Variants in SMCHD1 observed in about 807,000 individuals in gnomAD.
SMCHD1 encodes structural maintenance of chromosomes flexible hinge domain-containing protein 1.
A neutral mutation model predicts 254.7 loss-of-function variants in SMCHD1; 78 were observed. The ratio of observed to expected loss-of-function variants is 0.31; its 90% CI spans 0.26 to 0.37. The LOEUF (loss-of-function observed/expected upper bound fraction) is 0.37, where lower values mean the gene tolerates loss of function less well. Ranked by LOEUF, SMCHD1 falls within the 10% of genes least tolerant of loss-of-function variation. The probability of loss-of-function intolerance (pLI) is 1.00; values close to 1 mark genes in which losing one functional copy is unlikely to be tolerated. For missense variants in SMCHD1, 1,840 were observed against 2,408.1 expected (o/e 0.76, Z 4.94); for synonymous variants, 766 against 794.9 (o/e 0.96, Z 0.61).
chr18:2,657,053 A>G (rs1352610392), intron 1 of SMCHD1, among the ~76,000 whole-genome samples: 1 of 152,206 alleles, frequency 6.6e-6, no homozygotes, highest in Non-Finnish European at 1.5e-5. Flanking sequence ...AGCTTTGAAG[A>G]AGGAATATTG....
At chr18:2,758,830 T>G (rs1181828057) in intron 34 of SMCHD1, among the ~76,000 whole-genome samples, 4 of 152,200 alleles carry the variant, frequency 2.6e-5, no homozygotes, top group Admixed American at 2.0e-4. Flanking sequence ...CCAGCAGTTT[T>G]ACTGTGATAT....
intron 17 of SMCHD1, among the ~76,000 whole-genome samples, chr18:2,714,957 G>A (rs1476721514): frequency 1.3e-5 from 2 of 152,202 alleles, no homozygotes; most frequent in Admixed American, 6.5e-5. Context: ...GGTACCTGCT[G>A]TGAAATCTGC....
At chr18:2,769,059 C>T (rs1023868738) in intron 37 of SMCHD1, among the ~76,000 whole-genome samples, 1 of 152,066 alleles carries the variant, frequency 6.6e-6, no homozygotes, top group Non-Finnish European at 1.5e-5. Context: ...CAGCTACTAT[C>T]GTTTCCCTTA....
rs188726713 is a variant in SMCHD1, at chr18:2,744,631, C to T, written c.3801+703C>T. ...GCAGTTTTGAAGAATCATCTTGTCA[C>T]GGAAAGGACATGCAATAGATGAAGC... On this transcript the variant is annotated intron_variant, in intron 29 of 47. Coordinates refer to ENST00000320876, the MANE Select transcript of SMCHD1 (RefSeq NM_015295.3). Among the ~76,000 whole-genome samples, 635 of 152,048 alleles carry T rather than the reference C, an allele frequency of 4.2e-3. 2 individuals carry two copies. Among genetic ancestry groups the T allele is most frequent in the Non-Finnish European group, 5.0e-3 (337 of 67,974 alleles).
chr18:2,785,647 CAAAAAA>C (rs1555656125), intron 45 of SMCHD1, among the ~76,000 whole-genome samples: 5 of 12,670 alleles, frequency 3.9e-4, no homozygotes, highest in Admixed American at 1.0e-3. Flanking sequence ...GACTCTGTCT[CAAAAAA>C]AAAAAAAAAA....
intron 26 of SMCHD1, among the ~76,000 whole-genome samples, chr18:2,739,068 G>A (rs1484785043): frequency 3.9e-5 from 6 of 152,102 alleles, no homozygotes; most frequent in African/African-American, 1.4e-4. Flanking sequence ...CCAACACTTA[G>A]GATAGTTCTG....
At chr18:2,666,731 G>C (rs776871712) in intron 2 of SMCHD1, 139 bp from the exon 3 acceptor site, 3 of 603,176 alleles carry the variant, frequency 5.0e-6, no homozygotes, top group African/African-American at 3.7e-5. Flanking sequence ...ACATGACTTT[G>C]CTTACAGGTA....
chr18:2,777,016 C>T (rs1164629768), intron 42 of SMCHD1, among the ~76,000 whole-genome samples: 2 of 152,022 alleles, frequency 1.3e-5, no homozygotes, highest in African/African-American at 4.8e-5. Flanking sequence ...TGATCCTCCT[C>T]CCTCAACCTC....
At chr18:2,764,715 A>C (rs2075839275) in intron 37 of SMCHD1, among the ~76,000 whole-genome samples, 1 of 152,190 alleles carries the variant, frequency 6.6e-6, no homozygotes, top group Non-Finnish European at 1.5e-5. Context: ...GGATGATTCA[A>C]AGTATATGGA....
At position 2,752,553 on chromosome 18, in the gene SMCHD1, G is replaced by A; in HGVS notation, c.4346+1G>A. 1 of 1,546,604 alleles carries A rather than the reference G, an allele frequency of 6.5e-7. No individual in the cohort carries two copies. The highest frequency in any genetic ancestry group is 8.9e-7 in the Non-Finnish European group (1 of 1,120,094). ...AAGAAGATGGCTGCTTCTATTTCAG[G>A]TATTTCTCAAAACATTTCATATTTT... On this transcript the variant is annotated splice_donor_variant, in intron 34 of 47. Coordinates refer to ENST00000320876, the MANE Select transcript of SMCHD1 (RefSeq NM_015295.3). LOFTEE classifies it high-confidence loss of function.
At chr18:2,728,235 C>T in intron 22 of SMCHD1, 1 of 448,362 alleles carries the variant, frequency 2.2e-6, no homozygotes, top group Non-Finnish European at 3.9e-6. Flanking sequence ...AAAACTTAGC[C>T]TAGACACCAA....
At chr18:2,732,539 TTA>T (rs752347310) in intron 25 of SMCHD1, 47 bp downstream of exon 25, 37 of 1,303,756 alleles carry the variant, frequency 2.8e-5, no homozygotes, top group Non-Finnish European at 3.7e-5. Context: ...TTTTTAAATT[TTA>T]TGTTTGTAAG....
At chr18:2,754,308 G>C (rs577227832) in intron 34 of SMCHD1, among the ~76,000 whole-genome samples, 1 of 152,280 alleles carries the variant, frequency 6.6e-6, no homozygotes, top group South Asian at 2.1e-4. Flanking sequence ...GATTCACCAG[G>C]AGGACTCACA....
At chr18:2,677,889 G>C (rs1354951072) in intron 5 of SMCHD1, among the ~76,000 whole-genome samples, 1 of 152,062 alleles carries the variant, frequency 6.6e-6, no homozygotes, top group East Asian at 1.9e-4. Flanking sequence ...AAAGTGCTGG[G>C]ATTACAGAAG....
intron 34 of SMCHD1, among the ~76,000 whole-genome samples, chr18:2,758,569 T>C (rs562429260): frequency 6.6e-6 from 1 of 152,328 alleles, no homozygotes; most frequent in African/African-American, 2.4e-5. Context: ...TTGTTTTCCA[T>C]CTTAGGAAGT....
At chr18:2,668,068 C>T (rs1235436844) in intron 3 of SMCHD1, among the ~76,000 whole-genome samples, 2 of 151,904 alleles carry the variant, frequency 1.3e-5, no homozygotes, top group African/African-American at 4.8e-5. Context: ...TTAGTAGAGA[C>T]GGAGTTTCAC....
intron 17 of SMCHD1, among the ~76,000 whole-genome samples, chr18:2,716,085 G>A (rs1226709973): frequency 6.6e-6 from 1 of 152,086 alleles, no homozygotes; most frequent in Non-Finnish European, 1.5e-5. Context: ...TTGATGATGT[G>A]TCTATGATGT....
chr18:2,778,302 G>A (rs1229247500), intron 44 of SMCHD1, 63 bp downstream of exon 44: 1 of 1,162,708 alleles, frequency 8.6e-7, no homozygotes, highest in African/African-American at 1.5e-5. Context: ...ATGTCCATTT[G>A]ATGATACATA....
At position 2,726,466 on chromosome 18, in the gene SMCHD1, G is replaced by A; in HGVS notation, c.2715G>A (p.Lys905=). The change falls in exon 22 of 48, where the codon AAG becomes AAA. Residue 905 remains lysine, a synonymous_variant. Transcript: ENST00000320876. Reference sequence around the variant, plus strand: ...TTTTCCAACAGAATTATAATCTGAAGGTTACTCTGCCTGGCTTAAAAGAAG... The same window carrying A: ...TTTTCCAACAGAATTATAATCTGAAAGTTACTCTGCCTGGCTTAAAAGAAG... The part of the protein sequence containing the change: ...NSCQGKNYNL[K]VTLPGLKEDS... 1 of 1,507,828 alleles carries A rather than the reference G, an allele frequency of 6.6e-7. No homozygotes were observed. Among genetic ancestry groups the A allele is most frequent in the Non-Finnish European group, 8.9e-7 (1 of 1,117,692 alleles). The allele number at this position is 1,507,828 out of a possible 1,614,324, so 93.4% of individuals were successfully genotyped here.
Sources: gnomAD v4.1 joint callset for allele counts (sites outside exome capture counted in the v4.1 genomes callset) on GRCh38, gnomAD v4.1.1 for gene constraint, MANE v1.5 for transcripts, NCBI Gene and HGNC (gene_info 2026-07-23, HGNC 2026-07-21) for gene names.